MAP2K5: variants seen among roughly 807,000 people sequenced by gnomAD.
The protein encoded by MAP2K5 is mitogen-activated protein kinase kinase 5.
MAP2K5 carries 49 observed loss-of-function variants against 83.1 expected under a neutral mutation model. That is an observed-to-expected ratio of 0.59 (90% CI 0.47 to 0.75). MAP2K5 has a LOEUF of 0.75. Among genes scored for constraint, MAP2K5 ranks in the 30% least tolerant of loss-of-function variants. The pLI is 0.00. For synonymous variants in MAP2K5, 202 were observed against 191.8 expected, an observed-to-expected ratio of 1.05 and a Z score of -0.44; for missense variants, 457 against 557.5, an observed-to-expected ratio of 0.82 and a Z score of 1.82.
Position 67,676,043 on chromosome 15 carries a change from C to A in MAP2K5, c.847+11398C>A, listed in dbSNP as rs1170968583. Among the ~76,000 whole-genome samples the A allele has an allele frequency of 2.0e-5, 3 of 152,148 alleles. No individual in the cohort carries two copies. Among genetic ancestry groups the A allele is most frequent in the Admixed American group, 6.5e-5 (1 of 15,272 alleles). ...TGGGATTTGAAGCAGACTGTGTGAT[C>A]GTTGTGTGTTTTGGCTCACCAGTCT... On this transcript the variant is annotated intron_variant, in intron 13 of 21. Transcript: ENST00000178640. This position sits in a 1 kb window ranked among gnomAD's most constrained non-coding sequence, Gnocchi z 4.8.
In MAP2K5 at chr15:67,552,437, T is replaced by G. The variant is rs1253008512; in HGVS notation, c.184+2355T>G. On this transcript the variant is annotated intron_variant, in intron 2 of 21. Coordinates refer to ENST00000178640, the MANE Select transcript of MAP2K5 (RefSeq NM_145160.3). The surrounding 1 kb of genome is among the most constrained non-coding windows in gnomAD (Gnocchi z 4.2). The stretch of plus-strand genomic sequence containing the variant: ...TAACCATCACAAGATCCCCACGAAG[T>G]ACTCGTTATTTTTTTGAGACAGAGT... Among the ~76,000 whole-genome samples the G allele has an allele frequency of 6.6e-6, 1 of 152,140 alleles. No homozygotes were observed. The highest frequency in any genetic ancestry group is 1.5e-5 in the Non-Finnish European group (1 of 68,018).
chr15:67,697,434 A>G (rs1246765557), intron 15 of MAP2K5, among the ~76,000 whole-genome samples: 2 of 152,232 alleles, frequency 1.3e-5, no homozygotes, highest in African/African-American at 2.4e-5. Context: ...CATAAGTGTC[A>G]ATCAGAACTC....
intron 8 of MAP2K5, among the ~76,000 whole-genome samples, chr15:67,615,949 A>G (rs2086045152): frequency 6.6e-6 from 1 of 152,180 alleles, no homozygotes; most frequent in African/African-American, 2.4e-5. Flanking sequence ...ATGTAATACA[A>G]TCAACTCTCA....
intron 8 of MAP2K5, among the ~76,000 whole-genome samples, chr15:67,602,347 C>G (rs796605179): frequency 2.0e-5 from 3 of 152,326 alleles, no homozygotes; most frequent in African/African-American, 7.2e-5. Flanking sequence ...AACCTTTCTT[C>G]TTAATGCCTT....
In MAP2K5 at chr15:67,790,708, C is replaced by T. The variant is rs531411429; in HGVS notation, c.1243-15938C>T. Among the ~76,000 whole-genome samples, 56 of 151,288 alleles carry T rather than the reference C, an allele frequency of 3.7e-4. No individual in the cohort carries two copies. Among genetic ancestry groups the T allele is most frequent in the African/African-American group, 1.3e-3 (54 of 41,170 alleles). ...TCTCTACTGCAGCTGTCAGGAGAGC[C>T]AGTCACATAAAAACAAACAAACAAA... is the stretch of plus-strand genomic sequence containing the variant. On this transcript the variant is annotated intron_variant, in intron 21 of 21. Transcript: ENST00000178640. The surrounding 1 kb of genome is among the most constrained non-coding windows in gnomAD (Gnocchi z 4.6).
In MAP2K5 at chr15:67,774,568, T is replaced by C. The variant is rs1037505864; in HGVS notation, c.1242+1816T>C. 6.6e-6 allele frequency among the ~76,000 whole-genome samples: 1 copy of C among 152,202 alleles called. No individual in the cohort carries two copies. The highest frequency in any genetic ancestry group is 2.4e-5 in the African/African-American group (1 of 41,446). On this transcript the variant is annotated intron_variant, in intron 21 of 21. Transcript: ENST00000178640. The surrounding 1 kb of genome is among the most constrained non-coding windows in gnomAD (Gnocchi z 4.9). ...GGGAAAGAAAGTGGGTTTTCCTTTA[T>C]CTTAAGGAACTTAAGCCACATCCTA...
chr15:67,549,872 G>GT (rs2084472449), intron 1 of MAP2K5, among the ~76,000 whole-genome samples, 162 bp from the exon 2 acceptor site: 1 of 152,172 alleles, frequency 6.6e-6, no homozygotes, highest in African/African-American at 2.4e-5. Context: ...TAAACTCTGG[G>GT]TTTACGTTGC....
At chr15:67,578,446 G>C (rs987173178) in intron 3 of MAP2K5, among the ~76,000 whole-genome samples, 3 of 152,160 alleles carry the variant, frequency 2.0e-5, no homozygotes, top group Admixed American at 6.5e-5. Flanking sequence ...GCATGTCCTT[G>C]ATGGTGAATT....
intron 9 of MAP2K5, among the ~76,000 whole-genome samples, chr15:67,634,831 A>T (rs2086563994): frequency 6.6e-6 from 1 of 152,046 alleles, no homozygotes; most frequent in African/African-American, 2.4e-5. Flanking sequence ...GGCAGCATAC[A>T]GTTGGGTCTT....
At chr15:67,662,321 C>A (rs2087257392) in intron 12 of MAP2K5, among the ~76,000 whole-genome samples, 1 of 152,132 alleles carries the variant, frequency 6.6e-6, no homozygotes, top group Non-Finnish European at 1.5e-5. Context: ...AACTAGAATT[C>A]TTGCATATTT....
At chr15:67,635,054 A>G (rs1299586171) in intron 9 of MAP2K5, among the ~76,000 whole-genome samples, 2 of 152,122 alleles carry the variant, frequency 1.3e-5, no homozygotes, top group Non-Finnish European at 2.9e-5. Context: ...GTACCACTTT[A>G]TAGTCTACAA....
At chr15:67,673,096 G>A (rs2087587746) in intron 13 of MAP2K5, among the ~76,000 whole-genome samples, 7 of 152,192 alleles carry the variant, frequency 4.6e-5, no homozygotes, top group Admixed American at 4.6e-4. Flanking sequence ...CAGGTAGCAT[G>A]ATTCCTCCAG....
intron 13 of MAP2K5, among the ~76,000 whole-genome samples, chr15:67,678,360 A>T (rs1017212090): frequency 6.6e-6 from 1 of 151,926 alleles, no homozygotes; most frequent in African/African-American, 2.4e-5. Context: ...TATAGGGGGA[A>T]AAAGTTGAAG....
At chr15:67,602,680 GAGATGGAGTCT>G (rs2085687563) in intron 8 of MAP2K5, among the ~76,000 whole-genome samples, 2 of 152,294 alleles carry the variant, frequency 1.3e-5, no homozygotes, top group South Asian at 4.1e-4. Flanking sequence ...TGTTTATTTT[GAGATGGAGTCT>G]CGCTCTGTTG....
Position 67,598,003 on chromosome 15 carries a change from G to A in MAP2K5, c.481-2682G>A, listed in dbSNP as rs561783669. Among the ~76,000 whole-genome samples, 500 of 152,158 alleles carry A rather than the reference G, an allele frequency of 3.3e-3. 4 individuals carry two copies. Among genetic ancestry groups the A allele is most frequent in the Middle Eastern group, 0.02 (6 of 294 alleles). On this transcript the variant is annotated intron_variant, in intron 7 of 21. Transcript: ENST00000178640. ...GCTGATCACCTGAGGTCAGGAGTTC[G>A]AGACCAGCCCGGATATCATGGTGAA...
intron 8 of MAP2K5, among the ~76,000 whole-genome samples, chr15:67,626,150 GA>G (rs35832547): frequency 1.2e-4 from 18 of 152,274 alleles, no homozygotes; most frequent in Admixed American, 2.0e-4. Context: ...TGTGGAGGGG[GA>G]AAAATAATAT....
rs1596561241 is a variant in MAP2K5 at position 67,562,522 on chromosome 15, T to A, written c.185-761T>A. 6.6e-6 allele frequency among the ~76,000 whole-genome samples: 1 copy of A among 152,160 alleles called. No homozygotes were observed. The highest frequency in any genetic ancestry group is 2.1e-4 in the South Asian group (1 of 4,830). ...ACTTACTCAAATTTACACATTCTGG[T>A]TATGTAGTTTGTGAAGTCTTGTCCT... On this transcript the variant is annotated intron_variant, in intron 2 of 21. Coordinates refer to ENST00000178640, the MANE Select transcript of MAP2K5 (RefSeq NM_145160.3). The surrounding 1 kb of genome is among the most constrained non-coding windows in gnomAD (Gnocchi z 4.1).
intron 19 of MAP2K5, among the ~76,000 whole-genome samples, chr15:67,767,159 A>G (rs1416759691): frequency 6.6e-6 from 1 of 152,194 alleles, no homozygotes; most frequent in Non-Finnish European, 1.5e-5. Flanking sequence ...TTAACAGGCT[A>G]CAATATCAGG....
chr15:67,792,461 T>A (rs1268620670), intron 21 of MAP2K5, among the ~76,000 whole-genome samples: 1 of 152,164 alleles, frequency 6.6e-6, no homozygotes, highest in African/African-American at 2.4e-5. Flanking sequence ...ACAAGTTCAT[T>A]TAAAAAGCCT....
Sources: allele counts gnomAD v4.1 joint callset (sites outside exome capture counted in the v4.1 genomes callset), GRCh38; gene constraint gnomAD v4.1.1; non-coding constraint Gnocchi (gnomAD v3.1); transcripts MANE v1.5; gene names NCBI Gene and HGNC (gene_info 2026-07-23, HGNC 2026-07-21).